VPS53: variants seen among roughly 807,000 people sequenced by gnomAD.
The protein encoded by VPS53 is vacuolar protein sorting-associated protein 53 homolog.
VPS53 carries 70 observed loss-of-function variants against 107.0 expected under a neutral mutation model. The ratio of observed to expected loss-of-function variants is 0.65; its 90% CI spans 0.54 to 0.80. The LOEUF (loss-of-function observed/expected upper bound fraction) is 0.80, where lower values mean the gene tolerates loss of function less well. Among genes scored for constraint, VPS53 ranks in the 30% least tolerant of loss-of-function variants. The pLI is 0.00. For missense variants in VPS53, 917 were observed against 1,049.4 expected (o/e 0.87, Z 1.74); for synonymous variants, 409 against 393.3 (o/e 1.04, Z -0.47).
chr17:646,386 G>C (rs989370619), intron 7 of VPS53, among the ~76,000 whole-genome samples: 1 of 117,802 alleles, frequency 8.5e-6, no homozygotes, highest in African/African-American at 2.9e-5. Flanking sequence ...CTCCGTGACC[G>C]TGTGGCCACT....
intron 7 of VPS53, among the ~76,000 whole-genome samples, chr17:640,994 A>C (rs1427103880): frequency 6.6e-6 from 1 of 152,022 alleles, no homozygotes; most frequent in African/African-American, 2.4e-5. Flanking sequence ...AGCTGGGATT[A>C]CAGGCGCCTG....
At chr17:665,495 C>T (rs761105450) in intron 4 of VPS53, among the ~76,000 whole-genome samples, 8 of 152,144 alleles carry the variant, frequency 5.3e-5, no homozygotes, top group Non-Finnish European at 1.2e-4. Context: ...AAGAAGTGGG[C>T]TACTGCTATA....
At chr17:626,428 G>C (rs1034569927) in intron 10 of VPS53, among the ~76,000 whole-genome samples, 1 of 152,130 alleles carries the variant, frequency 6.6e-6, no homozygotes, top group Non-Finnish European at 1.5e-5. Flanking sequence ...CCGGCACTTC[G>C]GGAGGCTAAA....
intron 11 of VPS53, among the ~76,000 whole-genome samples, chr17:614,301 T>C (rs918329059): frequency 1.3e-5 from 2 of 152,158 alleles, no homozygotes; most frequent in African/African-American, 4.8e-5. Flanking sequence ...TTTTAAAAAC[T>C]AGGCAGAGAA....
At chr17:571,401 G>A (rs1259140429) in intron 13 of VPS53, among the ~76,000 whole-genome samples, 1 of 152,152 alleles carries the variant, frequency 6.6e-6, no homozygotes, top group African/African-American at 2.4e-5. Flanking sequence ...GGCTATACAA[G>A]GGCTCTTTGT....
At chr17:625,359 G>A (rs971697453) in intron 10 of VPS53, among the ~76,000 whole-genome samples, 2 of 152,012 alleles carry the variant, frequency 1.3e-5, no homozygotes, top group African/African-American at 4.8e-5. Context: ...CTACTTGGGT[G>A]GCTGAAGCAG....
At position 519,304 on chromosome 17, in the gene VPS53, G is replaced by A. The variant is rs1490707404; in HGVS notation, c.2329-6C>T. 4 of 1,472,284 alleles carry A rather than the reference G, an allele frequency of 2.7e-6. No homozygotes were observed. The highest frequency in any genetic ancestry group is 2.5e-5 in the East Asian group (1 of 39,890). 91.2% of individuals were successfully genotyped at this position (1,472,284 alleles called of 1,614,324 possible). ...TGCTCACTCCTCTTCAGCCCCTGAG[G>A]TTGAGAGAGAAACAGAACCGTCACG... On this transcript the variant is annotated splice_region_variant and splice_polypyrimidine_tract_variant and intron_variant, in intron 21 of 21. Coordinates refer to ENST00000437048, the MANE Select transcript of VPS53 (RefSeq NM_001128159.3). This position sits in a 1 kb window ranked among gnomAD's most constrained non-coding sequence, Gnocchi z 5.0.
chr17:667,056 C>A (rs781605389), intron 4 of VPS53, among the ~76,000 whole-genome samples: 2 of 152,198 alleles, frequency 1.3e-5, no homozygotes, highest in African/African-American at 2.4e-5. Context: ...CAGAGCAGGC[C>A]ACAAATGATG....
chr17:691,762 C>T (rs1166503424), intron 4 of VPS53, among the ~76,000 whole-genome samples: 1 of 152,192 alleles, frequency 6.6e-6, no homozygotes, highest in Admixed American at 6.5e-5. Context: ...GCCATCTCGG[C>T]TATTACATAC....
At chr17:648,224 A>G (rs905169709) in intron 7 of VPS53, among the ~76,000 whole-genome samples, 1 of 152,240 alleles carries the variant, frequency 6.6e-6, no homozygotes, top group African/African-American at 2.4e-5. Flanking sequence ...GTAAAAGAGC[A>G]TTCTTGATCA....
intron 11 of VPS53, among the ~76,000 whole-genome samples, chr17:617,800 C>T (rs1444739865): frequency 7.4e-6 from 1 of 134,658 alleles, no homozygotes; most frequent in African/African-American, 2.9e-5. Context: ...TACAGGCGTG[C>T]GCCACCACGC....
rs145547025 is a variant in VPS53 at position 659,859 on chromosome 17, T to A, written c.372+1950A>T. Among the ~76,000 whole-genome samples, 681 of 152,304 alleles carry A rather than the reference T, an allele frequency of 4.5e-3. 7 individuals are homozygous for A. Among genetic ancestry groups the A allele is most frequent in the Non-Finnish European group, 7.2e-3 (492 of 68,022 alleles). On this transcript the variant is annotated intron_variant, in intron 5 of 21. Coordinates refer to ENST00000437048, the MANE Select transcript of VPS53 (RefSeq NM_001128159.3). Reference sequence around the variant, plus strand: ...GCACTGGAGCTGACTGGTCTCTTTATTCCCAGGATCTCCCGTCACTCCCCA... The same window carrying A: ...GCACTGGAGCTGACTGGTCTCTTTAATCCCAGGATCTCCCGTCACTCCCCA...
chr17:519,043 GCCGGGGAGCACA>G lies in VPS53; in HGVS notation c.*73_*84del. The G allele has an allele frequency of 4.3e-6, 6 of 1,381,564 alleles. No homozygotes were observed. The Admixed American group carries it at 9.2e-5, about 21-fold the overall frequency. 85.6% of individuals were successfully genotyped at this position (1,381,564 alleles called of 1,614,324 possible). On this transcript the variant is annotated 3_prime_UTR_variant, in exon 22 of 22. Coordinates refer to ENST00000437048, the MANE Select transcript of VPS53 (RefSeq NM_001128159.3). The surrounding 1 kb of genome is among the most constrained non-coding windows in gnomAD (Gnocchi z 5.0). ...GTTTGAAGACCGACGATGTGAGAGT[GCCGGGGAGCACA>G]GGAGAGGTTGGGGGCTTCTGGGGAA...
chr17:588,709 C>T (rs1232138564), intron 12 of VPS53, among the ~76,000 whole-genome samples: 1 of 152,206 alleles, frequency 6.6e-6, no homozygotes, highest in Non-Finnish European at 1.5e-5. Context: ...AAGTCACTGC[C>T]AAAGCCAGGC....
intron 7 of VPS53, among the ~76,000 whole-genome samples, chr17:632,443 C>T (rs1188204052): frequency 5.9e-5 from 9 of 152,106 alleles, no homozygotes; most frequent in South Asian, 2.1e-4. Flanking sequence ...TACAGGCATA[C>T]GATGTATAAT....
chr17:638,844 T>G (rs1453103821), intron 7 of VPS53, among the ~76,000 whole-genome samples: 3 of 152,228 alleles, frequency 2.0e-5, no homozygotes, highest in Non-Finnish European at 4.4e-5. Context: ...TGACTGCCTT[T>G]AACATTTTTT....
At chr17:697,850 C>T (rs918885545) in intron 3 of VPS53, among the ~76,000 whole-genome samples, 1 of 152,176 alleles carries the variant, frequency 6.6e-6, no homozygotes, top group Non-Finnish European at 1.5e-5. Context: ...ACACACAATC[C>T]CTTTCTCGGT....
At position 661,833 on chromosome 17, in the gene VPS53, G is replaced by C. The variant is rs908091466; in HGVS notation, c.348C>G (p.Asp116Glu). 10 of 1,552,112 alleles carry C rather than the reference G, an allele frequency of 6.4e-6. No homozygotes were observed. The highest frequency in any genetic ancestry group is 4.4e-6 in the Non-Finnish European group (5 of 1,147,096). ...CCATTTGCTCTGATTTTTCAGCTTTGTCTTTGATATCTTTGATTTTGCCAA... is the reference window on the plus strand; with the variant it reads ...CCATTTGCTCTGATTTTTCAGCTTTCTCTTTGATATCTTTGATTTTGCCAA... Reference protein sequence around the residue: ...QLFGKIKDIKDKAEKSEQMVK... With the variant: ...QLFGKIKDIKEKAEKSEQMVK... The change falls in exon 5 of 22, where the codon GAC (aspartate) becomes GAG (glutamate). Residue 116 changes from aspartate to glutamate, a missense_variant. Asp to Glu is a conservative substitution (Grantham distance 45). Transcript: ENST00000437048.
intron 15 of VPS53, among the ~76,000 whole-genome samples, chr17:556,526 T>C (rs1041051100): frequency 1.5e-4 from 23 of 152,130 alleles, no homozygotes; most frequent in African/African-American, 5.3e-4. Context: ...ATTCATAACA[T>C]CGTTCTGTGG....
Sources: gnomAD v4.1 joint callset for allele counts (sites outside exome capture counted in the v4.1 genomes callset) on GRCh38, gnomAD v4.1.1 for gene constraint, Gnocchi (gnomAD v3.1) non-coding constraint, MANE v1.5 for transcripts, NCBI Gene and HGNC (gene_info 2026-07-23, HGNC 2026-07-21) for gene names.